LIPA: variants seen among roughly 807,000 people sequenced by gnomAD.
LIPA encodes lysosomal acid lipase/cholesteryl ester hydrolase.
LIPA carries 26 observed loss-of-function variants against 40.6 expected under a neutral mutation model. The ratio of observed to expected loss-of-function variants is 0.64; its 90% CI spans 0.47 to 0.89. The LOEUF (loss-of-function observed/expected upper bound fraction) is 0.89, where lower values mean the gene tolerates loss of function less well. Among genes scored for constraint, LIPA ranks in the 40% least tolerant of loss-of-function variants. The pLI is 0.00. For synonymous variants in LIPA, 188 were observed against 168.4 expected, an observed-to-expected ratio of 1.12 and a Z score of -0.90; for missense variants, 455 against 479.6, an observed-to-expected ratio of 0.95 and a Z score of 0.48.
intron 2 of LIPA, among the ~76,000 whole-genome samples, chr10:89,395,601 A>G (rs1322654790): frequency 6.6e-6 from 1 of 152,214 alleles, no homozygotes; most frequent in African/African-American, 2.4e-5. Flanking sequence ...AGGTCAGGCA[A>G]GAACCACAAG....
chr10:89,216,094 C>T (rs545158741), intron 8 of LIPA, 85 bp from the exon 9 acceptor site: 19 of 865,794 alleles, frequency 2.2e-5, no homozygotes, highest in African/African-American at 8.3e-5. Flanking sequence ...GCCACAACCT[C>T]GGAAATCAAC....
At chr10:89,378,126 T>C (rs1449346842) in intron 2 of LIPA, 3 of 1,613,542 alleles carry the variant, frequency 1.9e-6, no homozygotes, top group Non-Finnish European at 2.5e-6. Context: ...CCTGCTATCT[T>C]CATAGCACCA....
At chr10:89,277,883 C>A (rs1477585527) in intron 1 of LIPA, 1 of 152,140 alleles carries the variant, frequency 6.6e-6, no homozygotes, top group Non-Finnish European at 1.5e-5. Context: ...CCCACTCTTT[C>A]CTTTCTCTTG....
chr10:89,401,728 A>T (rs1383374689), intron 2 of LIPA, among the ~76,000 whole-genome samples: 1 of 151,686 alleles, frequency 6.6e-6, no homozygotes, highest in Non-Finnish European at 1.5e-5. Flanking sequence ...GATACACTGG[A>T]TCTCTGTACT....
At chr10:89,267,749 TAAAAA>T (rs55980603) in intron 1 of LIPA, among the ~76,000 whole-genome samples, 1 of 135,492 alleles carries the variant, frequency 7.4e-6, no homozygotes, top group Non-Finnish European at 1.6e-5. Flanking sequence ...AAAAGAAACT[TAAAAA>T]AAAAAAAAAG....
chr10:89,384,582 GA>G (rs1844190943), intron 2 of LIPA: 1 of 1,614,058 alleles, frequency 6.2e-7, no homozygotes, highest in African/African-American at 1.3e-5. Flanking sequence ...ATGCTTTAGA[GA>G]AATTGGCTAA....
At position 89,258,246 on chromosome 10, in the gene LIPA, T is replaced by A. The variant is rs145142069; in HGVS notation, c.-1-10597A>T. On this transcript the variant is annotated intron_variant, in intron 1 of 5. Transcript: ENST00000282673. ...ACTTGAATAGCTATATGCAAAACAA[T>A]GAACCTAGACCCTTAAGTCATAGAA... Among the ~76,000 whole-genome samples, 8 of 152,234 alleles carry A rather than the reference T, an allele frequency of 5.3e-5. No homozygotes were observed. The East Asian group carries it at 1.4e-3, about 26-fold the overall frequency.
intron 2 of LIPA, chr10:89,362,676 AT>A: frequency 1.6e-6 from 1 of 634,736 alleles, no homozygotes; most frequent in South Asian, 3.0e-5. Context: ...GGTAGAGAAC[AT>A]TTGCAAGAAG....
At chr10:89,261,007 T>C (rs1177595801) in intron 1 of LIPA, among the ~76,000 whole-genome samples, 1 of 152,218 alleles carries the variant, frequency 6.6e-6, no homozygotes, top group Non-Finnish European at 1.5e-5. Context: ...ACCAGAAGAA[T>C]TTCTAGAAAT....
In LIPA at chr10:89,332,906, C is replaced by T. The variant is rs576555936; in HGVS notation, c.-2+9705G>A. ...ATGCTCAGATGCTTTCAGGTAAAAT[C>T]GGGCCAGTGAAAGCTGGGGCCTGGA... is the stretch of plus-strand genomic sequence containing the variant. On this transcript the variant is annotated intron_variant, in intron 1 of 5. Coordinates refer to the LIPA transcript ENST00000282673. Among the ~76,000 whole-genome samples, 79 of 152,248 alleles carry T rather than the reference C, an allele frequency of 5.2e-4. 1 individual carries two copies. Among genetic ancestry groups the T allele is most frequent in the South Asian group, 2.5e-3 (12 of 4,824 alleles).
intron 2 of LIPA, among the ~76,000 whole-genome samples, chr10:89,365,060 G>A (rs565117929): frequency 6.6e-6 from 1 of 152,296 alleles, no homozygotes; most frequent in South Asian, 2.1e-4. Context: ...AAATTTCACA[G>A]ATATTTAAGG....
At chr10:89,351,353 T>C (rs548213516) in intron 2 of LIPA, among the ~76,000 whole-genome samples, 23 of 152,270 alleles carry the variant, frequency 1.5e-4, no homozygotes, top group Admixed American at 1.5e-3. Context: ...GTTTTTTTCC[T>C]CTCCTACAAT....
At chr10:89,334,569 C>T (rs1450766085) in intron 1 of LIPA, among the ~76,000 whole-genome samples, 1 of 90,796 alleles carries the variant, frequency 1.1e-5, no homozygotes, top group Non-Finnish European at 1.8e-5. Context: ...GATCTTGGCT[C>T]ACTGCAACCT....
rs1564778265 is a variant in LIPA, at chr10:89,295,000, A to AGAAAGGAAAG, written c.-1-47361_-1-47352dup. ...CTGAAAAGAAAAAAGAAAAAAAGGA[A>AGAAAGGAAAG]GAAAGGAAAGGAAATGAAATGAAAG... is the stretch of plus-strand genomic sequence containing the variant. On this transcript the variant is annotated intron_variant, in intron 1 of 5. Coordinates refer to the LIPA transcript ENST00000282673. Among the ~76,000 whole-genome samples, 40 of 101,554 alleles carry AGAAAGGAAAG rather than the reference A, an allele frequency of 3.9e-4. 1 individual carries two copies. The South Asian group carries it at 9.2e-3, about 23-fold the overall frequency. 66.6% of individuals were successfully genotyped at this position (101,554 alleles called of 152,430 possible).
chr10:89,411,995 G>C (rs1264264058), intron 2 of LIPA, among the ~76,000 whole-genome samples: 1 of 152,124 alleles, frequency 6.6e-6, no homozygotes, highest in Non-Finnish European at 1.5e-5. Flanking sequence ...AGCTACAGAT[G>C]GTCTTACAAA....
chr10:89,348,986 T>G (rs1843941930), intron 2 of LIPA, among the ~76,000 whole-genome samples: 1 of 152,206 alleles, frequency 6.6e-6, no homozygotes, highest in Non-Finnish European at 1.5e-5. Context: ...CATTTAATAA[T>G]CAAACTTCTA....
intron 1 of LIPA, among the ~76,000 whole-genome samples, chr10:89,313,439 T>C (rs998366397): frequency 2.6e-5 from 4 of 152,240 alleles, no homozygotes; most frequent in Admixed American, 6.5e-5. Context: ...AAAATAAGTA[T>C]GTTTAATGTA....
chr10:89,315,495 T>A (rs1199406846), intron 1 of LIPA, among the ~76,000 whole-genome samples: 1 of 152,156 alleles, frequency 6.6e-6, no homozygotes, highest in African/African-American at 2.4e-5. Flanking sequence ...TAGCTAACAA[T>A]TCCTTCATTA....
chr10:89,293,922 A>C (rs958870174), intron 1 of LIPA, among the ~76,000 whole-genome samples: 1 of 152,230 alleles, frequency 6.6e-6, no homozygotes, highest in Non-Finnish European at 1.5e-5. Flanking sequence ...AATTCAGTCC[A>C]AAGCAGTTGT....
Sources: gnomAD v4.1 joint callset for allele counts (sites outside exome capture counted in the v4.1 genomes callset) on GRCh38, gnomAD v4.1.1 for gene constraint, MANE v1.5 for transcripts, NCBI Gene and HGNC (gene_info 2026-07-23, HGNC 2026-07-21) for gene names.